PCCA: variants seen among roughly 807,000 people sequenced by gnomAD.
PCCA encodes propionyl-CoA carboxylase alpha chain, mitochondrial.
Under a neutral mutation model 101.3 loss-of-function variants are expected in PCCA, and 74 were observed. The observed-to-expected ratio is 0.73, with a 90% confidence interval of 0.61 to 0.89. The LOEUF is 0.89. Among genes scored for constraint, PCCA ranks in the 40% least tolerant of loss-of-function variants. The pLI is 0.00. For missense variants in PCCA, 891 were observed against 907.0 expected, an observed-to-expected ratio of 0.98 and a Z score of 0.23; for synonymous variants, 294 against 313.6, an observed-to-expected ratio of 0.94 and a Z score of 0.66.
intron 4 of PCCA, among the ~76,000 whole-genome samples, chr13:100,122,281 A>G (rs1248318348): frequency 6.6e-6 from 1 of 152,058 alleles, no homozygotes; most frequent in Non-Finnish European, 1.5e-5. Flanking sequence ...TTGTGTTCAT[A>G]TTTACAAGAG....
chr13:100,404,079 G>A (rs1382674838), intron 19 of PCCA, among the ~76,000 whole-genome samples: 1 of 152,204 alleles, frequency 6.6e-6, no homozygotes, highest in East Asian at 1.9e-4. Flanking sequence ...AGCGTTCCCG[G>A]CAGAAGGGGC....
At chr13:100,344,978 G>A (rs1029509492) in intron 18 of PCCA, among the ~76,000 whole-genome samples, 6 of 152,130 alleles carry the variant, frequency 3.9e-5, no homozygotes, top group African/African-American at 1.4e-4. Context: ...AACCATGCAC[G>A]TGTAAGGTGG....
intron 6 of PCCA, among the ~76,000 whole-genome samples, chr13:100,163,998 C>T (rs928020273): frequency 3.5e-5 from 3 of 85,392 alleles, no homozygotes; most frequent in Non-Finnish European, 6.5e-5. Context: ...ATCATATAGT[C>T]CATCCTCCTT....
At chr13:100,137,115 C>T (rs972904499) in intron 4 of PCCA, among the ~76,000 whole-genome samples, 1 of 151,784 alleles carries the variant, frequency 6.6e-6, no homozygotes, top group Non-Finnish European at 1.5e-5. Context: ...CTTTTTTGCA[C>T]ATAGGTTATT....
At chr13:100,180,274 T>G (rs537191366) in intron 6 of PCCA, among the ~76,000 whole-genome samples, 1 of 152,154 alleles carries the variant, frequency 6.6e-6, no homozygotes. Context: ...GAAGTTAAAT[T>G]CTCTTGGGCA....
At chr13:100,389,398 C>T (rs9585429) in intron 19 of PCCA, among the ~76,000 whole-genome samples, 4,246 of 152,174 alleles carry the variant, frequency 0.028, 189 homozygotes, top group African/African-American at 0.098. Flanking sequence ...GAACAGAAAA[C>T]CAAATGCCGC....
In PCCA at chr13:100,307,267, T is replaced by G; in HGVS notation, c.1353+7T>G. ...TGATCCTATGATTTCAAAAGTTAGTTTAATTTCTCAATGGATTATTTGATT... is the reference window on the plus strand; with the variant it reads ...TGATCCTATGATTTCAAAAGTTAGTGTAATTTCTCAATGGATTATTTGATT... On this transcript the variant is annotated splice_region_variant and intron_variant, in intron 15 of 23. Transcript: ENST00000376285. 1 of 1,549,030 alleles carries G rather than the reference T, an allele frequency of 6.5e-7. No individual in the cohort carries two copies. The highest frequency in any genetic ancestry group is 1.4e-5 in the African/African-American group (1 of 73,820).
At chr13:100,499,487 A>G (rs943710571) in intron 21 of PCCA, among the ~76,000 whole-genome samples, 7 of 152,200 alleles carry the variant, frequency 4.6e-5, no homozygotes, top group Admixed American at 3.9e-4. Context: ...GCTCTAGTCA[A>G]CCTCCTTTAA....
At chr13:100,470,245 C>T (rs1324949360) in intron 21 of PCCA, among the ~76,000 whole-genome samples, 4 of 146,330 alleles carry the variant, frequency 2.7e-5, no homozygotes, top group Admixed American at 7.3e-5. Flanking sequence ...GAAGTGGAAG[C>T]GTGTGTTTTG....
At chr13:100,247,010 GT>G (rs1342370082) in intron 8 of PCCA, among the ~76,000 whole-genome samples, 1 of 151,400 alleles carries the variant, frequency 6.6e-6, no homozygotes, top group Non-Finnish European at 1.5e-5. Flanking sequence ...CCGGGTTCAA[GT>G]GATTCTCCTG....
intron 12 of PCCA, among the ~76,000 whole-genome samples, chr13:100,299,281 G>A (rs1409574380): frequency 2.0e-5 from 3 of 152,184 alleles, no homozygotes; most frequent in South Asian, 2.1e-4. Context: ...TGGATCTGAT[G>A]TACTTATTTT....
chr13:100,321,434 A>G (rs527730105), intron 16 of PCCA, among the ~76,000 whole-genome samples: 3 of 152,136 alleles, frequency 2.0e-5, no homozygotes, highest in Non-Finnish European at 4.4e-5. Flanking sequence ...TATTGATGTC[A>G]TTAGAAATTT....
chr13:100,275,029 C>A (rs1466655622), intron 12 of PCCA, among the ~76,000 whole-genome samples: 1 of 119,554 alleles, frequency 8.4e-6, no homozygotes, highest in East Asian at 2.7e-4. Context: ...GTCAACTCTT[C>A]TTCCGTTAGG....
intron 8 of PCCA, among the ~76,000 whole-genome samples, chr13:100,248,087 G>T (rs1330404522): frequency 6.6e-6 from 1 of 151,808 alleles, no homozygotes; most frequent in Non-Finnish European, 1.5e-5. Flanking sequence ...TGTGTCTCTT[G>T]TAAGTGCACA....
At chr13:100,380,746 G>A (rs901059133) in intron 19 of PCCA, among the ~76,000 whole-genome samples, 1 of 152,152 alleles carries the variant, frequency 6.6e-6, no homozygotes, top group African/African-American at 2.4e-5. Context: ...TAGATGAATT[G>A]TTCAACATCA....
intron 22 of PCCA, among the ~76,000 whole-genome samples, chr13:100,517,801 C>T (rs2086944520): frequency 6.6e-6 from 1 of 152,096 alleles, no homozygotes; most frequent in Non-Finnish European, 1.5e-5. Context: ...AAAAATGTCC[C>T]AAACCACTAA....
chr13:100,133,042 C>T (rs2105130), intron 4 of PCCA, among the ~76,000 whole-genome samples: 1 of 152,248 alleles, frequency 6.6e-6, no homozygotes, highest in East Asian at 1.9e-4. Context: ...GCCTCCCAAA[C>T]TGCTAGGATT....
chr13:100,370,133 G>A (rs568639581), intron 19 of PCCA, among the ~76,000 whole-genome samples: 19 of 128,360 alleles, frequency 1.5e-4, no homozygotes, highest in African/African-American at 5.0e-4. Context: ...CCAGAGGCTG[G>A]AGTGCAGTGG....
rs9554695 is a variant in PCCA at position 100,508,069 on chromosome 13, A to G, written c.1900-7358A>G. On this transcript the variant is annotated intron_variant, in intron 21 of 23. Transcript: ENST00000376285. ...TCCAGTTACAAAAACAAGACAGAAC[A>G]AAGGATGAGGCTAGATTTTTGTATT... is the stretch of plus-strand genomic sequence containing the variant. Among the ~76,000 whole-genome samples, 437 of 152,278 alleles carry G rather than the reference A, an allele frequency of 2.9e-3. 18 individuals carry two copies. In the East Asian group the frequency reaches 0.056, roughly 20 times the overall value.
Sources: allele counts gnomAD v4.1 joint callset (sites outside exome capture counted in the v4.1 genomes callset), GRCh38; gene constraint gnomAD v4.1.1; transcripts MANE v1.5; gene names NCBI Gene and HGNC (gene_info 2026-07-23, HGNC 2026-07-21).